Variants in CTIF observed in about 807,000 individuals in gnomAD.
The protein encoded by CTIF is cap binding complex dependent translation initiation factor.
A neutral mutation model predicts 66.0 loss-of-function variants in CTIF; 21 were observed. The ratio of observed to expected loss-of-function variants is 0.32; its 90% CI spans 0.23 to 0.46. The LOEUF (loss-of-function observed/expected upper bound fraction) is 0.46, where lower values mean the gene tolerates loss of function less well. Ranked by LOEUF, CTIF falls within the 20% of genes least tolerant of loss-of-function variation. CTIF has a pLI of 1.00. For missense variants in CTIF, 739 were observed against 812.7 expected, an observed-to-expected ratio of 0.91 and a Z score of 1.10; for synonymous variants, 345 against 326.4, an observed-to-expected ratio of 1.06 and a Z score of -0.62.
intron 6 of CTIF, among the ~76,000 whole-genome samples, chr18:48,699,751 C>T (rs575568662): frequency 3.3e-5 from 5 of 152,308 alleles, no homozygotes; most frequent in Non-Finnish European, 5.9e-5. Flanking sequence ...ACCCTCGTAA[C>T]GGTCCTCTGA....
chr18:48,604,831 C>G (rs2090173988), intron 1 of CTIF, among the ~76,000 whole-genome samples: 1 of 152,180 alleles, frequency 6.6e-6, no homozygotes, highest in African/African-American at 2.4e-5. Context: ...TACTTTTTGT[C>G]TCTCTAGATG....
intron 2 of CTIF, among the ~76,000 whole-genome samples, chr18:48,632,598 C>G (rs1394749551): frequency 6.6e-6 from 1 of 152,204 alleles, no homozygotes; most frequent in South Asian, 2.1e-4. Context: ...AAGCCTTCAA[C>G]CCCTGCATAT....
At chr18:48,844,041 A>T (rs1022234537) in intron 10 of CTIF, among the ~76,000 whole-genome samples, 1 of 152,274 alleles carries the variant, frequency 6.6e-6, no homozygotes, top group African/African-American at 2.4e-5. Context: ...TATGTAAGCC[A>T]GGTGAGCATG....
At chr18:48,730,489 G>GA in intron 7 of CTIF, among the ~76,000 whole-genome samples, 1 of 131,312 alleles carries the variant, frequency 7.6e-6, no homozygotes, top group Non-Finnish European at 1.7e-5. Context: ...GCGGTGTGAG[G>GA]GGCTTCTGCG....
chr18:48,593,345 T>C (rs893036060), intron 1 of CTIF, among the ~76,000 whole-genome samples: 4 of 152,184 alleles, frequency 2.6e-5, no homozygotes, highest in Non-Finnish European at 1.5e-5. Flanking sequence ...TTGTCATCAT[T>C]ATTGATATTA....
chr18:48,831,531 A>AG (rs2146451951), intron 10 of CTIF, among the ~76,000 whole-genome samples: 1 of 152,142 alleles, frequency 6.6e-6, no homozygotes, highest in Non-Finnish European at 1.5e-5. Flanking sequence ...GAGTATGTGC[A>AG]GGGGGCACGA....
chr18:48,798,093 T>C (rs183553491), intron 9 of CTIF, among the ~76,000 whole-genome samples: 12 of 152,340 alleles, frequency 7.9e-5, no homozygotes, highest in Middle Eastern at 3.4e-3. Context: ...ACAGGATTGA[T>C]AGTTCCAGCC....
In CTIF at chr18:48,664,459, G is replaced by C; in HGVS notation, c.339G>C (p.Trp113Cys). Residue 113 changes from tryptophan to cysteine, a missense_variant, in exon 5 of 12, where the codon TGG (tryptophan) becomes TGC (cysteine). This residue lies in a region of CTIF where 529 missense variants were observed against 520.3 expected (regional missense o/e 1.02). Coordinates refer to ENST00000256413, the MANE Select transcript of CTIF (RefSeq NM_014772.3). The stretch of plus-strand genomic sequence containing the variant: ...CCTCGCCCTCTAGTGGTGCCACCTG[G>C]GACCTGCAGCCGGAAAAGCTGGACT... The part of the protein sequence containing the change: ...NTFDSFSGAT[W>C]DLQPEKLDFT... 1 of 1,613,626 alleles carries C rather than the reference G, an allele frequency of 6.2e-7. No homozygotes were observed.
intron 9 of CTIF, among the ~76,000 whole-genome samples, chr18:48,793,813 C>T (rs2067847527): frequency 6.6e-6 from 1 of 152,180 alleles, no homozygotes; most frequent in Admixed American, 6.5e-5. Context: ...ACTTGAGTGC[C>T]ATTTCCCCAG....
intron 1 of CTIF, among the ~76,000 whole-genome samples, chr18:48,583,177 A>T (rs1243945575): frequency 1.3e-5 from 2 of 152,078 alleles, no homozygotes; most frequent in Non-Finnish European, 2.9e-5. Flanking sequence ...TGTGACCCCC[A>T]CACATGACCT....
chr18:48,858,325 C>T (rs1167363997), intron 11 of CTIF, among the ~76,000 whole-genome samples: 3 of 152,246 alleles, frequency 2.0e-5, no homozygotes, highest in Non-Finnish European at 4.4e-5. Flanking sequence ...AGCCAGATGG[C>T]AGTCTTGGGT....
chr18:48,725,176 C>T (rs942637807), intron 7 of CTIF, among the ~76,000 whole-genome samples: 3 of 152,184 alleles, frequency 2.0e-5, no homozygotes, highest in Non-Finnish European at 4.4e-5. Context: ...TCACCCTGAG[C>T]AGGAAGCTTG....
At chr18:48,764,273 GC>G (rs1476461743) in intron 9 of CTIF, among the ~76,000 whole-genome samples, 1 of 152,206 alleles carries the variant, frequency 6.6e-6, no homozygotes, top group Non-Finnish European at 1.5e-5. Flanking sequence ...CCAGGCACCA[GC>G]CTGGGGACTG....
chr18:48,809,086 T>C (rs910172786), intron 9 of CTIF, among the ~76,000 whole-genome samples: 5 of 152,234 alleles, frequency 3.3e-5, no homozygotes, highest in Admixed American at 6.5e-5. Flanking sequence ...CAATTTTCTT[T>C]ATAGAATTCT....
intron 10 of CTIF, among the ~76,000 whole-genome samples, chr18:48,829,116 G>A (rs1183532124): frequency 6.6e-6 from 1 of 152,176 alleles, no homozygotes; most frequent in Non-Finnish European, 1.5e-5. Flanking sequence ...GCTGTTTAAT[G>A]GACGGGACTG....
chr18:48,757,236 T>C (rs1908457024), intron 7 of CTIF, among the ~76,000 whole-genome samples: 4 of 152,220 alleles, frequency 2.6e-5, no homozygotes. Context: ...TGATCCATCA[T>C]GTCTTATCTC....
At chr18:48,674,244 C>T (rs1450147168) in intron 6 of CTIF, among the ~76,000 whole-genome samples, 1 of 152,244 alleles carries the variant, frequency 6.6e-6, no homozygotes, top group African/African-American at 2.4e-5. Flanking sequence ...GCATTCAAAG[C>T]TGCAAATGCC....
At chr18:48,842,613 A>C (rs548380568) in intron 10 of CTIF, among the ~76,000 whole-genome samples, 149 of 152,294 alleles carry the variant, frequency 9.8e-4, no homozygotes, top group Non-Finnish European at 2.0e-3. Flanking sequence ...GGGCTGGCCT[A>C]GGTGACCCCA....
At chr18:48,633,518 A>G (rs2090758473) in intron 2 of CTIF, among the ~76,000 whole-genome samples, 1 of 152,100 alleles carries the variant, frequency 6.6e-6, no homozygotes, top group Non-Finnish European at 1.5e-5. Flanking sequence ...GCTGGCCAAC[A>G]TGGTGAAACC....
Sources: allele counts gnomAD v4.1 joint callset (sites outside exome capture counted in the v4.1 genomes callset), GRCh38; gene constraint gnomAD v4.1.1; regional missense constraint gnomAD v4.1.1; transcripts MANE v1.5; gene names NCBI Gene and HGNC (gene_info 2026-07-23, HGNC 2026-07-21).